Variants in ROBO1 observed in about 807,000 individuals in gnomAD.
ROBO1 encodes the protein roundabout homolog 1.
In ROBO1, 149 loss-of-function variants were observed where a neutral mutation model predicts 195.9. The observed-to-expected ratio is 0.76, with a 90% CI of 0.67 to 0.87. The LOEUF is 0.87. ROBO1 is among the 40% of genes least tolerant of loss of function. The pLI is 0.00. For missense variants in ROBO1, 1,933 were observed against 2,068.3 expected, an observed-to-expected ratio of 0.93 and a Z score of 1.27; for synonymous variants, 816 against 733.2, an observed-to-expected ratio of 1.11 and a Z score of -1.82.
At chr3:78,659,917 G>C in intron 16 of ROBO1, 110 bp from the exon 17 acceptor site, 2 of 542,654 alleles carry the variant, frequency 3.7e-6, no homozygotes, top group Non-Finnish European at 2.6e-6. Flanking sequence ...ATCAATATAT[G>C]CTTTTTTTTT....
At chr3:79,745,744 T>C (rs1703846480) in intron 1 of ROBO1, among the ~76,000 whole-genome samples, 1 of 152,160 alleles carries the variant, frequency 6.6e-6, no homozygotes. Flanking sequence ...TATAGTCTAT[T>C]AGAGTGTAAT....
At chr3:79,348,520 C>T (rs1340769333) in intron 2 of ROBO1, among the ~76,000 whole-genome samples, 3 of 152,060 alleles carry the variant, frequency 2.0e-5, no homozygotes, top group Non-Finnish European at 4.4e-5. Context: ...GAAAAATTGG[C>T]ATAATATAGG....
intron 2 of ROBO1, among the ~76,000 whole-genome samples, chr3:79,553,845 A>G (rs541758078): frequency 6.6e-6 from 1 of 152,198 alleles, no homozygotes; most frequent in East Asian, 1.9e-4. Context: ...TGTTTTGAGG[A>G]GGAGAATGGC....
intron 1 of ROBO1, among the ~76,000 whole-genome samples, chr3:79,592,662 C>T (rs1050162567): frequency 1.3e-4 from 20 of 151,982 alleles, no homozygotes; most frequent in Non-Finnish European, 2.5e-4. Flanking sequence ...CCACTCCCTG[C>T]CCTTGCAGAG....
intron 4 of ROBO1, among the ~76,000 whole-genome samples, chr3:78,750,827 A>G (rs2082774825): frequency 6.6e-6 from 1 of 152,194 alleles, no homozygotes; most frequent in African/African-American, 2.4e-5. Context: ...ACAACATATA[A>G]TCAATCCCAT....
At chr3:79,002,130 G>A (rs1054076651) in intron 3 of ROBO1, among the ~76,000 whole-genome samples, 5 of 152,210 alleles carry the variant, frequency 3.3e-5, no homozygotes, top group Admixed American at 2.6e-4. Context: ...ATTCAAGGAA[G>A]GCCTCCCTGA....
At chr3:78,860,302 C>CTATATATATATATATATATATA (rs1200780060) in intron 4 of ROBO1, among the ~76,000 whole-genome samples, 2 of 104,750 alleles carry the variant, frequency 1.9e-5, no homozygotes, top group African/African-American at 3.9e-5. Context: ...TTGAAATATA[C>CTATATATATATATATATATATA]TATATATATA....
intron 2 of ROBO1, among the ~76,000 whole-genome samples, chr3:79,384,031 G>A (rs1343336516): frequency 6.6e-6 from 1 of 151,812 alleles, no homozygotes; most frequent in African/African-American, 2.4e-5. Flanking sequence ...TAACAGATGG[G>A]CTGGGTATAT....
chr3:79,278,002 C>T (rs1365499362), intron 2 of ROBO1, among the ~76,000 whole-genome samples: 1 of 151,926 alleles, frequency 6.6e-6, no homozygotes, highest in Non-Finnish European at 1.5e-5. Context: ...AATCAAAAAT[C>T]AGTAGTGTTT....
chr3:79,317,996 G>A (rs57265754), intron 2 of ROBO1, among the ~76,000 whole-genome samples: 3,860 of 152,222 alleles, frequency 0.025, 140 homozygotes, highest in African/African-American at 0.082. Context: ...AAAATCTGCA[G>A]AGCCAATGTC....
At chr3:79,514,884 GCTGT>G (rs1940876283) in intron 2 of ROBO1, among the ~76,000 whole-genome samples, 1 of 152,074 alleles carries the variant, frequency 6.6e-6, no homozygotes, top group African/African-American at 2.4e-5. Flanking sequence ...AAGTACCTTT[GCTGT>G]CTATCAAAAG....
At chr3:79,249,921 A>C (rs1166117041) in intron 2 of ROBO1, among the ~76,000 whole-genome samples, 2 of 152,216 alleles carry the variant, frequency 1.3e-5, no homozygotes, top group Admixed American at 1.3e-4. Context: ...GGTGCCAAAG[A>C]AGCCACAAAA....
intron 2 of ROBO1, among the ~76,000 whole-genome samples, chr3:79,335,235 T>G (rs1341934696): frequency 6.6e-6 from 1 of 152,262 alleles, no homozygotes; most frequent in Non-Finnish European, 1.5e-5. Context: ...ATATTATTTT[T>G]TATTCATCTT....
At chr3:79,548,367 T>G (rs544003144) in intron 2 of ROBO1, among the ~76,000 whole-genome samples, 1 of 152,348 alleles carries the variant, frequency 6.6e-6, no homozygotes, top group South Asian at 2.1e-4. Context: ...ATCATTTCCC[T>G]GACTCCACGG....
chr3:78,692,491 G>A (rs1399577898), intron 8 of ROBO1, among the ~76,000 whole-genome samples: 1 of 152,008 alleles, frequency 6.6e-6, no homozygotes, highest in East Asian at 1.9e-4. Flanking sequence ...GGCTGCTCTT[G>A]AACTCTTGGC....
intron 2 of ROBO1, among the ~76,000 whole-genome samples, chr3:79,196,013 C>G (rs538463834): frequency 2.6e-4 from 39 of 151,556 alleles, no homozygotes; most frequent in African/African-American, 9.4e-4. Context: ...TTATTGAGCA[C>G]CTACTTCATG....
At chr3:78,651,103 C>A (rs1706624287) in intron 19 of ROBO1, among the ~76,000 whole-genome samples, 1 of 152,200 alleles carries the variant, frequency 6.6e-6, no homozygotes, top group South Asian at 2.1e-4. Flanking sequence ...ATAATAGTGG[C>A]CATGTAAGCT....
At chr3:79,517,343 A>C (rs138632287) in intron 2 of ROBO1, among the ~76,000 whole-genome samples, 1 of 152,280 alleles carries the variant, frequency 6.6e-6, no homozygotes, top group Admixed American at 6.5e-5. Context: ...GACACTGACC[A>C]TCACTCTCTC....
At chr3:78,973,404 C>CATAT (rs10575015) in intron 3 of ROBO1, among the ~76,000 whole-genome samples, 13 of 142,102 alleles carry the variant, frequency 9.1e-5, no homozygotes, top group East Asian at 2.0e-4. Context: ...ATATACCTTT[C>CATAT]ATATATATAT....
Sources: allele counts gnomAD v4.1 joint callset (sites outside exome capture counted in the v4.1 genomes callset), GRCh38; gene constraint gnomAD v4.1.1; transcripts MANE v1.5; gene names NCBI Gene and HGNC (gene_info 2026-07-23, HGNC 2026-07-21).